The following TMEM131L variants were observed in gnomAD, a reference collection of about 807,000 sequenced individuals.
TMEM131L encodes transmembrane 131 like.
In TMEM131L, 54 loss-of-function variants were observed where a neutral mutation model predicts 192.2. That is an observed-to-expected ratio of 0.28 (90% confidence interval 0.23 to 0.35). The LOEUF (loss-of-function observed/expected upper bound fraction) is 0.35, where lower values mean the gene tolerates loss of function less well. Among genes scored for constraint, TMEM131L ranks in the 10% least tolerant of loss-of-function variants. TMEM131L has a pLI of 1.00. For synonymous variants in TMEM131L, 701 were observed against 704.9 expected (o/e 0.99, Z 0.09); for missense variants, 1,888 against 1,972.9 (o/e 0.96, Z 0.82).
intron 16 of TMEM131L, among the ~76,000 whole-genome samples, chr4:153,589,621 TGAAACTTTG>T (rs1730933404): frequency 6.6e-6 from 1 of 152,244 alleles, no homozygotes; most frequent in African/African-American, 2.4e-5. Flanking sequence ...CACAGGTAAC[TGAAACTTTG>T]GAAAGCAAAA....
At chr4:153,625,307 G>A (rs544961832) in intron 29 of TMEM131L, among the ~76,000 whole-genome samples, 172 of 152,166 alleles carry the variant, frequency 1.1e-3, no homozygotes, top group Non-Finnish European at 1.9e-3. Flanking sequence ...GCCACTGGGA[G>A]GCTGAGGCAG....
chr4:153,595,714 CA>C (rs554812612), intron 19 of TMEM131L, among the ~76,000 whole-genome samples: 6,069 of 79,822 alleles, frequency 0.076, 375 homozygotes, highest in African/African-American at 0.22. Context: ...AGTTTTATGC[CA>C]AAAAAAAAAA....
At chr4:153,529,216 C>T (rs1187343069) in intron 3 of TMEM131L, among the ~76,000 whole-genome samples, 8 of 152,116 alleles carry the variant, frequency 5.3e-5, no homozygotes, top group African/African-American at 1.9e-4. Context: ...CATAGAGAGT[C>T]AGTTGTACTT....
At chr4:153,606,831 T>G in intron 25 of TMEM131L, among the ~76,000 whole-genome samples, 1 of 152,324 alleles carries the variant, frequency 6.6e-6, no homozygotes, top group Non-Finnish European at 1.5e-5. Context: ...GAAAGAACTT[T>G]TGCTTTCCAC....
intron 3 of TMEM131L, among the ~76,000 whole-genome samples, chr4:153,496,924 G>A (rs191414167): frequency 1.8e-4 from 28 of 151,496 alleles, no homozygotes; most frequent in Admixed American, 8.5e-4. Flanking sequence ...ACAGTGGCAC[G>A]ATCATGGTTC....
intron 7 of TMEM131L, among the ~76,000 whole-genome samples, chr4:153,562,377 T>C (rs965294992): frequency 1.4e-4 from 21 of 152,194 alleles, no homozygotes; most frequent in African/African-American, 4.6e-4. Context: ...AAACAAAAAC[T>C]TAAAAAATTT....
rs1442010261 is a variant in TMEM131L at position 153,634,230 on chromosome 4, C to T, written c.4367C>T (p.Ser1456Phe). 6.2e-7 allele frequency: 1 copy of T among 1,613,992 alleles called. No individual in the cohort carries two copies. The highest frequency in any genetic ancestry group is 2.2e-5 in the East Asian group (1 of 44,896). ...AGTGCAACATGCGAAGGCCAGTTTT[C>T]CAGCGCATACTGTCCATTGGAATTG... ...DWSATCEGQF[S>F]SAYCPLELND... The change falls in exon 33 of 35, where the codon TCC becomes TTC. Residue 1456 changes from serine to phenylalanine, a missense_variant. Transcript: ENST00000409959.
At chr4:153,489,532 C>T (rs555337062) in intron 3 of TMEM131L, among the ~76,000 whole-genome samples, 6 of 152,292 alleles carry the variant, frequency 3.9e-5, no homozygotes, top group Admixed American at 1.3e-4. Flanking sequence ...GGCTGGAGTG[C>T]GGTGGTACGA....
At chr4:153,533,349 T>G (rs776651424) in intron 3 of TMEM131L, among the ~76,000 whole-genome samples, 9 of 152,150 alleles carry the variant, frequency 5.9e-5, no homozygotes, top group Non-Finnish European at 1.0e-4. Flanking sequence ...GGGGACTGCG[T>G]GTGGGAGTGG....
chr4:153,630,128 G>C (rs1317830504), intron 31 of TMEM131L, among the ~76,000 whole-genome samples: 2 of 152,184 alleles, frequency 1.3e-5, no homozygotes, highest in Non-Finnish European at 2.9e-5. Context: ...GACCCAGGGA[G>C]AATTGTCTCA....
chr4:153,504,727 G>A (rs1248053111), intron 3 of TMEM131L, among the ~76,000 whole-genome samples: 1 of 152,124 alleles, frequency 6.6e-6, no homozygotes, highest in African/African-American at 2.4e-5. Flanking sequence ...TCTTAACTAG[G>A]TTATGAGATT....
chr4:153,589,465 C>T (rs1256852269), intron 16 of TMEM131L, among the ~76,000 whole-genome samples: 1 of 152,094 alleles, frequency 6.6e-6, no homozygotes, highest in Non-Finnish European at 1.5e-5. Context: ...TGTGGATATG[C>T]TGGGCAGAGG....
At chr4:153,612,205 G>C (rs911419603) in intron 25 of TMEM131L, 47 bp from the exon 26 acceptor site, 13 of 1,385,662 alleles carry the variant, frequency 9.4e-6, no homozygotes, top group Non-Finnish European at 1.3e-5. Flanking sequence ...TGGGGAATGT[G>C]AGTGGAAACT....
At position 153,626,149 on chromosome 4, in the gene TMEM131L, G is replaced by A. The variant is rs1405974813; in HGVS notation, c.4048G>A (p.Asp1350Asn). Residue 1350 changes from aspartate to asparagine, a missense_variant and splice_region_variant, in exon 30 of 35, where the codon GAC becomes AAC. Asp to Asn is a conservative substitution (Grantham distance 23, BLOSUM62 1). Coordinates refer to ENST00000409959, the MANE Select transcript of TMEM131L (RefSeq NM_001131007.2). ...ATAATGTGTTTCTTTTAATGCAGGA[G>A]ACAGTGTTTCACAAAATGATTTTCC... ...VDAQHFLPAG[D>N]SVSQNDFPSE... The A allele has an allele frequency of 5.6e-6, 9 of 1,603,798 alleles. No homozygotes were observed. The East Asian group carries it at 6.7e-5, about 12-fold the overall frequency.
chr4:153,610,232 G>A (rs2126548828), intron 25 of TMEM131L, among the ~76,000 whole-genome samples: 1 of 152,312 alleles, frequency 6.6e-6, no homozygotes, highest in Non-Finnish European at 1.5e-5. Flanking sequence ...AAATTCCCGG[G>A]AAATAGCATT....
chr4:153,499,385 C>T (rs1393106768), intron 3 of TMEM131L, among the ~76,000 whole-genome samples: 2 of 152,064 alleles, frequency 1.3e-5, no homozygotes. Context: ...TCAGTCTTGA[C>T]AGGAGTCTTC....
chr4:153,609,639 T>C (rs1284394482), intron 25 of TMEM131L, among the ~76,000 whole-genome samples: 1 of 152,224 alleles, frequency 6.6e-6, no homozygotes, highest in African/African-American at 2.4e-5. Context: ...ACTGATTTTC[T>C]AAAAGTCTGC....
At chr4:153,621,650 A>G in intron 27 of TMEM131L, 33 bp from the exon 28 acceptor site, 5 of 1,608,322 alleles carry the variant, frequency 3.1e-6, no homozygotes, top group Middle Eastern at 1.7e-4. Flanking sequence ...TAAAATACAG[A>G]TGTGTTTTTT....
At chr4:153,631,585 CTA>C (rs1310448650) in intron 31 of TMEM131L, among the ~76,000 whole-genome samples, 3 of 152,290 alleles carry the variant, frequency 2.0e-5, no homozygotes, top group African/African-American at 4.8e-5. Flanking sequence ...GAAAGAGACA[CTA>C]TATGTTCCGA....
Sources: gnomAD v4.1 joint callset for allele counts (sites outside exome capture counted in the v4.1 genomes callset) on GRCh38, gnomAD v4.1.1 for gene constraint, MANE v1.5 for transcripts, NCBI Gene and HGNC (gene_info 2026-07-23, HGNC 2026-07-21) for gene names.